NUMA1: variants seen among roughly 807,000 people sequenced by gnomAD.
NUMA1 encodes nuclear mitotic apparatus protein 1, also known as SP-H antigen.
In NUMA1, 62 loss-of-function variants were observed where a neutral mutation model predicts 237.1. That is an observed-to-expected ratio of 0.26 (90% CI 0.21 to 0.32). NUMA1 has a LOEUF of 0.32. Among genes scored for constraint, NUMA1 ranks in the 10% least tolerant of loss-of-function variants. NUMA1 has a pLI of 1.00. For synonymous variants in NUMA1, 1,028 were observed against 1,066.1 expected (o/e 0.96, Z 0.70); for missense variants, 2,533 against 2,666.5 (o/e 0.95, Z 1.10).
chr11:72,045,373 G>C (rs1355423733), intron 2 of NUMA1, among the ~76,000 whole-genome samples: 1 of 152,180 alleles, frequency 6.6e-6, no homozygotes, highest in Non-Finnish European at 1.5e-5. Flanking sequence ...ATCACTATTA[G>C]TAGAAATGGA....
At position 72,008,975 on chromosome 11, in the gene NUMA1, C is replaced by G. The variant is rs757292335; in HGVS notation, c.5050G>C (p.Glu1684Gln). ...RHLTAQVRSL[E>Q]AQVAHADQQL... ...GCCAGCCAAATTCTTACCTGTGCCTCCAGGCTGCGCACCTGGGCAGTAAGG... is the reference window on the plus strand; with the variant it reads ...GCCAGCCAAATTCTTACCTGTGCCTGCAGGCTGCGCACCTGGGCAGTAAGG... The change falls in exon 19 of 27, where the codon GAG (glutamate) becomes CAG (glutamine). Residue 1684 changes from glutamate to glutamine, a missense_variant. Coordinates refer to ENST00000393695, the MANE Select transcript of NUMA1 (RefSeq NM_006185.4). 6.2e-7 allele frequency: 1 copy of G among 1,614,008 alleles called. No homozygotes were observed. Among genetic ancestry groups the G allele is most frequent in the South Asian group, 1.1e-5 (1 of 91,084 alleles).
intron 2 of NUMA1, among the ~76,000 whole-genome samples, chr11:72,053,356 A>G (rs372907305): frequency 6.6e-6 from 1 of 152,234 alleles, no homozygotes; most frequent in East Asian, 1.9e-4. Flanking sequence ...GTTCCATGAA[A>G]TCACAAACTG....
At chr11:72,042,541 CAG>C (rs1263812827) in intron 2 of NUMA1, among the ~76,000 whole-genome samples, 1 of 152,086 alleles carries the variant, frequency 6.6e-6, no homozygotes, top group African/African-American at 2.4e-5. Flanking sequence ...CAGATGGAAA[CAG>C]AGAGGTGTGG....
chr11:72,053,129 A>G (rs1942456099), intron 2 of NUMA1, among the ~76,000 whole-genome samples: 1 of 152,190 alleles, frequency 6.6e-6, no homozygotes, highest in South Asian at 2.1e-4. Context: ...TTTATCAGGC[A>G]CAAGCCACCA....
chr11:72,056,849 G>A (rs934807625), intron 2 of NUMA1, among the ~76,000 whole-genome samples: 8 of 151,908 alleles, frequency 5.3e-5, no homozygotes, highest in Non-Finnish European at 7.4e-5. Context: ...TGATGTGAAA[G>A]AATCTGACAG....
At chr11:72,007,806 T>C (rs1955849345) in intron 20 of NUMA1, 4 of 365,692 alleles carry the variant, frequency 1.1e-5, no homozygotes, top group South Asian at 9.5e-5. Context: ...GCCATGAACG[T>C]GGGCATAATC....
At position 72,013,786 on chromosome 11, in the gene NUMA1, G is replaced by C; in HGVS notation, c.3717C>G (p.Arg1239=). 1 of 1,609,930 alleles carries C rather than the reference G, an allele frequency of 6.2e-7. No homozygotes were observed. The highest frequency in any genetic ancestry group is 1.3e-5 in the African/African-American group (1 of 75,010). ...SLEEEVSILN[R]QVLEKEGESK... ...TCTCCCCCTCCTTCTCCAGGACCTG[G>C]CGATTCAGGATGGACACCTCCTCCT... is the stretch of plus-strand genomic sequence containing the variant. The change falls in exon 15 of 27, where the codon CGC becomes CGG. Residue 1239 remains arginine, a synonymous_variant. Transcript: ENST00000393695. This position sits in a 1 kb window ranked among gnomAD's most constrained non-coding sequence, Gnocchi z 6.8.
At chr11:72,078,727 CA>C (rs1943836399) in intron 1 of NUMA1, among the ~76,000 whole-genome samples, 1 of 152,164 alleles carries the variant, frequency 6.6e-6, no homozygotes, top group Non-Finnish European at 1.5e-5. Flanking sequence ...GAAGCTTTCA[CA>C]AAAAAGTATG....
At chr11:72,019,394 A>C (rs1938408383) in intron 9 of NUMA1, 100 bp downstream of exon 9, 6 of 1,466,002 alleles carry the variant, frequency 4.1e-6, no homozygotes, top group Non-Finnish European at 4.7e-6. Flanking sequence ...TACTCTAAGC[A>C]CTCCCAGAGG....
intron 2 of NUMA1, among the ~76,000 whole-genome samples, chr11:72,061,929 TCACAC>T (rs1942966588): frequency 6.6e-6 from 1 of 151,976 alleles, no homozygotes; most frequent in African/African-American, 2.4e-5. Context: ...CACATACACA[TCACAC>T]CACACCACAC....
chr11:72,034,232 C>G (rs1940715700), intron 3 of NUMA1, among the ~76,000 whole-genome samples: 1 of 152,110 alleles, frequency 6.6e-6, no homozygotes, highest in South Asian at 2.1e-4. Flanking sequence ...TTTTAAATGT[C>G]AAGAACTATG....
At chr11:72,047,284 C>T (rs997158264) in intron 2 of NUMA1, among the ~76,000 whole-genome samples, 4 of 151,952 alleles carry the variant, frequency 2.6e-5, no homozygotes, top group Admixed American at 2.6e-4. Context: ...CTCAGGAGTT[C>T]AAGACCAGCC....
Position 72,010,690 on chromosome 11 carries a change from C to A in NUMA1, c.4719+96G>T, listed in dbSNP as rs903193005. On this transcript the variant is annotated intron_variant, in intron 17 of 26. Transcript: ENST00000393695. ...GAGGGCTACCTGGAATGCAGGGTGC[C>A]CCTCTTCTGCCCCGACACCCCCCAC... is the stretch of plus-strand genomic sequence containing the variant. 4.1e-6 allele frequency: 5 copies of A among 1,213,110 alleles called. No individual in the cohort carries two copies. The African/African-American group carries it at 7.5e-5, about 18-fold the overall frequency. 75.1% of individuals were successfully genotyped at this position (1,213,110 alleles called of 1,614,324 possible). A position where few individuals can be genotyped will look rare whatever the true frequency, so the allele number is the denominator to read the frequency against.
At chr11:72,060,940 T>G (rs1942906215) in intron 2 of NUMA1, among the ~76,000 whole-genome samples, 1 of 152,086 alleles carries the variant, frequency 6.6e-6, no homozygotes, top group African/African-American at 2.4e-5. Context: ...CGTGGTGGCG[T>G]GTGCCTGTAA....
intron 2 of NUMA1, among the ~76,000 whole-genome samples, chr11:72,055,031 G>A (rs1942561441): frequency 6.6e-6 from 1 of 151,984 alleles, no homozygotes; most frequent in Non-Finnish European, 1.5e-5. Flanking sequence ...TTCCTGTTAG[G>A]ACCTTTATAT....
At chr11:72,008,926 G>A in intron 19 of NUMA1, 41 bp downstream of exon 19, 1 of 1,612,380 alleles carries the variant, frequency 6.2e-7, no homozygotes, top group Non-Finnish European at 8.5e-7. Flanking sequence ...CAGGGGTCCA[G>A]TGGAATAGGA....
At position 72,021,143 on chromosome 11, in the gene NUMA1, A is replaced by G; in HGVS notation, c.460+61T>C. The G allele has an allele frequency of 2.2e-6, 3 of 1,351,654 alleles. No individual in the cohort carries two copies. In the South Asian group the frequency reaches 3.5e-5, roughly 16 times the overall value. The allele number at this position is 1,351,654 out of a possible 1,614,324, so 83.7% of individuals were successfully genotyped here. A position where few individuals can be genotyped will look rare whatever the true frequency, so the allele number is the denominator to read the frequency against. On this transcript the variant is annotated intron_variant, in intron 8 of 26. Transcript: ENST00000393695. ...AAACCCCCACCATACTTGACAACTC[A>G]GGATCCTAGTATTCCCCATTTCAGA... is the stretch of plus-strand genomic sequence containing the variant.
chr11:72,050,502 C>T (rs566469540), intron 2 of NUMA1, among the ~76,000 whole-genome samples: 7 of 152,268 alleles, frequency 4.6e-5, no homozygotes, highest in Non-Finnish European at 1.0e-4. Flanking sequence ...TAAAATAAAA[C>T]CCTAAAATAC....
At chr11:72,062,801 C>A (rs1323799300) in intron 2 of NUMA1, 1 of 151,582 alleles carries the variant, frequency 6.6e-6, no homozygotes, top group South Asian at 2.1e-4. Flanking sequence ...CAATACAAAT[C>A]AAAATTAATG....
Sources: allele counts gnomAD v4.1 joint callset (sites outside exome capture counted in the v4.1 genomes callset), GRCh38; gene constraint gnomAD v4.1.1; non-coding constraint Gnocchi (gnomAD v3.1); transcripts MANE v1.5; gene names NCBI Gene and HGNC (gene_info 2026-07-23, HGNC 2026-07-21).